Variants in COL10A1 observed in about 807,000 individuals in gnomAD.
COL10A1 encodes collagen alpha-1(X) chain.
Under a neutral mutation model 18.2 loss-of-function variants are expected in COL10A1, and 10 were observed. The observed-to-expected ratio is 0.55, with a 90% CI of 0.34 to 0.93. The LOEUF is 0.93. Ranked by LOEUF, COL10A1 falls within the 40% of genes least tolerant of loss-of-function variation. The probability of loss-of-function intolerance (pLI) is 0.02; values close to 1 mark genes in which losing one functional copy is unlikely to be tolerated. For synonymous variants in COL10A1, 330 were observed against 316.6 expected (o/e 1.04, Z -0.45); for missense variants, 897 against 853.5 (o/e 1.05, Z -0.64).
the COL10A1 span, among the ~76,000 whole-genome samples, chr6:116,192,254 T>C: frequency 1.3e-5 from 2 of 152,020 alleles, no homozygotes; most frequent in Non-Finnish European, 2.9e-5. Flanking sequence ...ATGAGTGAGA[T>C]AATATATGTG....
At chr6:116,210,957 C>T in the COL10A1 span, among the ~76,000 whole-genome samples, 1 of 151,996 alleles carries the variant, frequency 6.6e-6, no homozygotes, top group South Asian at 2.1e-4. Context: ...GAAGTCACAC[C>T]TTTCTGTTTT....
At chr6:116,185,866 A>C in the COL10A1 span, among the ~76,000 whole-genome samples, 4 of 152,078 alleles carry the variant, frequency 2.6e-5, no homozygotes, top group Non-Finnish European at 5.9e-5. Flanking sequence ...CTTTACATTC[A>C]ACGTTAGTAT....
At chr6:116,148,951 T>A (rs1299621867) in intron 1 of COL10A1, among the ~76,000 whole-genome samples, 1 of 152,224 alleles carries the variant, frequency 6.6e-6, no homozygotes, top group African/African-American at 2.4e-5. Context: ...GTCTTTTGTT[T>A]TTAATCTCTA....
chr6:116,175,881 C>T, the COL10A1 span, among the ~76,000 whole-genome samples: 2 of 151,976 alleles, frequency 1.3e-5, no homozygotes, highest in East Asian at 3.9e-4. Context: ...TCTGATAATT[C>T]CAATGTATGA....
chr6:116,211,179 G>T, the COL10A1 span, among the ~76,000 whole-genome samples: 2 of 152,014 alleles, frequency 1.3e-5, no homozygotes, highest in African/African-American at 4.8e-5. Context: ...GTGGAGAGAT[G>T]TTTGTTTCAC....
chr6:116,135,413 C>A (rs1779565627), intron 1 of COL10A1, among the ~76,000 whole-genome samples: 2 of 151,604 alleles, frequency 1.3e-5, no homozygotes, highest in Admixed American at 1.3e-4. Flanking sequence ...CCATAACCGC[C>A]CCCCCCACCT....
chr6:116,164,424 C>T, the COL10A1 span, among the ~76,000 whole-genome samples: 4 of 151,780 alleles, frequency 2.6e-5, no homozygotes, highest in African/African-American at 9.7e-5. Context: ...TTTTTTGTTC[C>T]CCATTTGCAT....
chr6:116,138,717 A>G (rs1779687924), intron 1 of COL10A1, among the ~76,000 whole-genome samples: 1 of 152,144 alleles, frequency 6.6e-6, no homozygotes, highest in Admixed American at 6.5e-5. Context: ...CTAATATATG[A>G]ATCCTTACTA....
the COL10A1 span, among the ~76,000 whole-genome samples, chr6:116,187,068 G>C: frequency 6.6e-6 from 1 of 152,014 alleles, no homozygotes; most frequent in Non-Finnish European, 1.5e-5. Flanking sequence ...CCCTTGTTGT[G>C]GTGTTCTCCC....
the COL10A1 span, among the ~76,000 whole-genome samples, chr6:116,175,051 A>G: frequency 1.3e-5 from 2 of 152,208 alleles, no homozygotes; most frequent in Non-Finnish European, 2.9e-5. Context: ...TGTTTTAAAA[A>G]TTAAGGAATT....
At chr6:116,208,012 G>A in the COL10A1 span, among the ~76,000 whole-genome samples, 1 of 151,856 alleles carries the variant, frequency 6.6e-6, no homozygotes, top group South Asian at 2.1e-4. Flanking sequence ...AAGAAACACA[G>A]TGAAAGTTCT....
At chr6:116,174,680 A>G in the COL10A1 span, among the ~76,000 whole-genome samples, 4 of 152,164 alleles carry the variant, frequency 2.6e-5, no homozygotes, top group East Asian at 7.7e-4. Flanking sequence ...TTCGATTTTT[A>G]TACAGGTACT....
At chr6:116,185,282 A>G in the COL10A1 span, among the ~76,000 whole-genome samples, 2 of 152,136 alleles carry the variant, frequency 1.3e-5, no homozygotes, top group Non-Finnish European at 2.9e-5. Flanking sequence ...GTGGCCTATC[A>G]TATGGTCTGT....
At chr6:116,193,831 G>A in the COL10A1 span, among the ~76,000 whole-genome samples, 2 of 152,008 alleles carry the variant, frequency 1.3e-5, no homozygotes, top group African/African-American at 4.8e-5. Context: ...AGCACTTTGG[G>A]AGGCCGAAAC....
At chr6:116,125,121 A>G (rs770035715) in intron 2 of COL10A1, among the ~76,000 whole-genome samples, 16 of 152,206 alleles carry the variant, frequency 1.1e-4, no homozygotes, top group Admixed American at 4.6e-4. Context: ...TTTTGCAGGT[A>G]TATCTTTCAA....
At chr6:116,128,920 A>C (rs1388368975), upstream of COL10A1, among the ~76,000 whole-genome samples, 2 of 152,074 alleles carry the variant, frequency 1.3e-5, no homozygotes, top group African/African-American at 2.4e-5. Context: ...TGCTTTTTAA[A>C]CTTTTTTACA....
chr6:116,165,148 A>C, the COL10A1 span, among the ~76,000 whole-genome samples: 1 of 150,872 alleles, frequency 6.6e-6, no homozygotes, highest in African/African-American at 2.4e-5. Context: ...TTCTTTAAGA[A>C]GTCTAAAACT....
the COL10A1 span, among the ~76,000 whole-genome samples, chr6:116,209,448 C>A: frequency 4.6e-5 from 7 of 151,930 alleles, no homozygotes; most frequent in African/African-American, 7.2e-5. Context: ...TAAGATGGTT[C>A]TTTTCTTAAA....
At position 116,121,139 on chromosome 6, in the gene COL10A1, C is replaced by T. The variant is rs1386260299; in HGVS notation, c.977G>A (p.Gly326Glu). The change falls in exon 3 of 3, where the codon GGG (glycine) becomes GAG (glutamate). Residue 326 changes from glycine to glutamate, a missense_variant. By Grantham distance (98) the Gly-to-Glu change is moderately conservative (BLOSUM62 -2). Coordinates refer to ENST00000651968, the MANE Select transcript of COL10A1 (RefSeq NM_000493.4). ...PGGPGAKGEQ[G>E]PAGLPGKPGL... Reference sequence around the variant, plus strand: ...TGGCTTCCCAGGAAGACCTGCTGGCCCTTGTTCCCCTTTGGCACCTGGACC... The same window carrying T: ...TGGCTTCCCAGGAAGACCTGCTGGCTCTTGTTCCCCTTTGGCACCTGGACC... 1 of 1,613,312 alleles carries T rather than the reference C, an allele frequency of 6.2e-7. No homozygotes were observed. Among genetic ancestry groups the T allele is most frequent in the East Asian group, 2.2e-5 (1 of 44,876 alleles).
Sources: gnomAD v4.1 joint callset for allele counts (sites outside exome capture counted in the v4.1 genomes callset) on GRCh38, gnomAD v4.1.1 for gene constraint, MANE v1.5 for transcripts, NCBI Gene and HGNC (gene_info 2026-07-23, HGNC 2026-07-21) for gene names.